The following MARCHF10 variants were observed in gnomAD, a reference collection of about 807,000 sequenced individuals.
MARCHF10 encodes probable E3 ubiquitin-protein ligase MARCHF10.
Under a neutral mutation model 76.2 loss-of-function variants are expected in MARCHF10, and 64 were observed. The ratio of observed to expected loss-of-function variants is 0.84; its 90% confidence interval spans 0.69 to 1.03. The LOEUF is 1.03. MARCHF10 is among the 50% of genes least tolerant of loss of function. MARCHF10 has a pLI of 0.00. For synonymous variants in MARCHF10, 340 were observed against 357.5 expected, an observed-to-expected ratio of 0.95 and a Z score of 0.55; for missense variants, 875 against 958.0, an observed-to-expected ratio of 0.91 and a Z score of 1.14.
intron 3 of MARCHF10, among the ~76,000 whole-genome samples, chr17:62,770,651 A>C (rs1486847206): frequency 6.7e-6 from 1 of 148,704 alleles, no homozygotes; most frequent in African/African-American, 2.5e-5. Context: ...AACTGTTCTC[A>C]TGCCTCAGCC....
intron 1 of MARCHF10, among the ~76,000 whole-genome samples, chr17:62,806,158 T>C (rs1160474573): frequency 6.6e-6 from 1 of 152,208 alleles, no homozygotes; most frequent in African/African-American, 2.4e-5. Context: ...GCAAACATTC[T>C]CTGTGTTTGC....
At chr17:62,748,874 G>A (rs2091800913) in intron 4 of MARCHF10, among the ~76,000 whole-genome samples, 1 of 152,184 alleles carries the variant, frequency 6.6e-6, no homozygotes, top group African/African-American at 2.4e-5. Flanking sequence ...ATAATCTGCA[G>A]GAAGACCAAG....
chr17:62,747,727 T>C (rs999537434), intron 4 of MARCHF10, among the ~76,000 whole-genome samples: 1 of 152,266 alleles, frequency 6.6e-6, no homozygotes, highest in Non-Finnish European at 1.5e-5. Context: ...CTCATTGTTA[T>C]GCAGACTTCA....
chr17:62,758,414 G>A (rs2092107196), intron 4 of MARCHF10, among the ~76,000 whole-genome samples: 1 of 152,030 alleles, frequency 6.6e-6, no homozygotes, highest in Non-Finnish European at 1.5e-5. Context: ...TCAAACTTTT[G>A]CCATTAAAAA....
intron 4 of MARCHF10, among the ~76,000 whole-genome samples, chr17:62,757,683 G>A (rs916330522): frequency 2.6e-5 from 4 of 152,252 alleles, no homozygotes; most frequent in African/African-American, 9.6e-5. Flanking sequence ...CCAGGCCACA[G>A]CCCTGCTGAC....
intron 10 of MARCHF10, 61 bp from the exon 11 acceptor site, chr17:62,701,819 G>C (rs963148369): frequency 1.9e-6 from 3 of 1,606,112 alleles, no homozygotes; most frequent in African/African-American, 2.7e-5. Context: ...TCTGTTACAG[G>C]GGGCACGGCA....
At chr17:62,704,945 C>G in intron 10 of MARCHF10, 1 of 856,836 alleles carries the variant, frequency 1.2e-6, no homozygotes, top group Non-Finnish European at 1.4e-6. Context: ...TTTCTCCAGT[C>G]GTTTTTTTTT....
intron 5 of MARCHF10, among the ~76,000 whole-genome samples, chr17:62,740,109 G>C (rs539651685): frequency 6.6e-6 from 1 of 151,838 alleles, no homozygotes; most frequent in Non-Finnish European, 1.5e-5. Flanking sequence ...TCCCCTAAAG[G>C]TGGCAGACTG....
intron 3 of MARCHF10, among the ~76,000 whole-genome samples, chr17:62,772,019 T>G (rs2092458056): frequency 6.6e-6 from 1 of 152,090 alleles, no homozygotes; most frequent in Non-Finnish European, 1.5e-5. Flanking sequence ...TCAAAGGTAT[T>G]GAGGAAGTGA....
chr17:62,793,529 TCAC>T (rs2092921883), intron 2 of MARCHF10, among the ~76,000 whole-genome samples: 19 of 27,046 alleles, frequency 7.0e-4, no homozygotes, highest in African/African-American at 2.0e-3. Context: ...ACCACCTCCA[TCAC>T]CACCACCACC....
At chr17:62,723,077 A>G (rs1173777888) in intron 7 of MARCHF10, among the ~76,000 whole-genome samples, 1 of 151,414 alleles carries the variant, frequency 6.6e-6, no homozygotes. Context: ...TGCCCAGGTA[A>G]CATTGCCACC....
At chr17:62,746,602 C>T (rs1380332016) in intron 4 of MARCHF10, among the ~76,000 whole-genome samples, 3 of 152,112 alleles carry the variant, frequency 2.0e-5, no homozygotes, top group Admixed American at 6.5e-5. Flanking sequence ...AGACCTCAGA[C>T]CCCCTCAGTT....
intron 6 of MARCHF10, among the ~76,000 whole-genome samples, chr17:62,733,314 A>G (rs58729657): frequency 0.32 from 49,083 of 152,008 alleles, 8,376 homozygotes; most frequent in Non-Finnish European, 0.39. Context: ...AAAGACATCA[A>G]TATTTCACAG....
chr17:62,786,281 G>A (rs2092744706), intron 3 of MARCHF10, among the ~76,000 whole-genome samples: 1 of 148,432 alleles, frequency 6.7e-6, no homozygotes, highest in Non-Finnish European at 1.5e-5. Flanking sequence ...CTATCACAAG[G>A]ACAGAAAACC....
intron 2 of MARCHF10, among the ~76,000 whole-genome samples, chr17:62,798,212 G>A (rs955106095): frequency 1.3e-5 from 2 of 152,060 alleles, no homozygotes; most frequent in Non-Finnish European, 2.9e-5. Context: ...AAATTGGGCT[G>A]AGATGGAACC....
intron 3 of MARCHF10, among the ~76,000 whole-genome samples, chr17:62,766,475 G>T (rs543345121): frequency 1.2e-4 from 19 of 152,134 alleles, no homozygotes; most frequent in Non-Finnish European, 1.2e-4. Context: ...ACTCCAGTCT[G>T]GGCAACAAGA....
At chr17:62,713,780 G>A (rs894178994) in intron 8 of MARCHF10, among the ~76,000 whole-genome samples, 2 of 152,116 alleles carry the variant, frequency 1.3e-5, no homozygotes, top group African/African-American at 4.8e-5. Context: ...TGACTCCCAC[G>A]TGGAGTTCCC....
chr17:62,804,194 C>T (rs184724694), intron 1 of MARCHF10, among the ~76,000 whole-genome samples: 8 of 152,270 alleles, frequency 5.3e-5, no homozygotes, highest in African/African-American at 1.7e-4. Context: ...TCAGAAAACA[C>T]AGGAGGAGCT....
At chr17:62,767,385 A>G (rs1025879433) in intron 3 of MARCHF10, among the ~76,000 whole-genome samples, 1 of 151,948 alleles carries the variant, frequency 6.6e-6, no homozygotes, top group Non-Finnish European at 1.5e-5. Flanking sequence ...AAGCATAAAG[A>G]TATTTAAAAC....
Sources: allele counts gnomAD v4.1 joint callset (sites outside exome capture counted in the v4.1 genomes callset), GRCh38; gene constraint gnomAD v4.1.1; transcripts MANE v1.5; gene names NCBI Gene and HGNC (gene_info 2026-07-23, HGNC 2026-07-21).